The following CTNND2 variants were observed in gnomAD, a reference collection of about 807,000 sequenced individuals.
The protein encoded by CTNND2 is catenin delta 2.
CTNND2 carries 22 observed loss-of-function variants against 144.4 expected under a neutral mutation model. The observed-to-expected ratio is 0.15, with a 90% CI of 0.11 to 0.22. The LOEUF is 0.22. Ranked by LOEUF, CTNND2 falls within the 10% of genes least tolerant of loss-of-function variation. The pLI is 1.00. For missense variants in CTNND2, 1,353 were observed against 1,618.8 expected (o/e 0.84, Z 2.82); for synonymous variants, 751 against 695.6 (o/e 1.08, Z -1.25).
intron 16 of CTNND2, among the ~76,000 whole-genome samples, chr5:11,073,692 G>A (rs930819891): frequency 6.6e-6 from 1 of 152,186 alleles, no homozygotes; most frequent in Non-Finnish European, 1.5e-5. Context: ...CGAAAAGGGA[G>A]GCAGCATTCA....
intron 1 of CTNND2, among the ~76,000 whole-genome samples, chr5:11,831,879 TTAATA>T: frequency 6.6e-6 from 1 of 152,142 alleles, no homozygotes; most frequent in Non-Finnish European, 1.5e-5. Context: ...AATGTAAAAG[TTAATA>T]TGTACGAGTT....
chr5:11,477,801 G>A (rs1011790752), intron 3 of CTNND2, among the ~76,000 whole-genome samples: 1 of 152,134 alleles, frequency 6.6e-6, no homozygotes, highest in Admixed American at 6.6e-5. Flanking sequence ...TCCTTTTCAT[G>A]AGGTGATGGC....
chr5:11,135,096 T>C (rs1315166739), intron 12 of CTNND2, among the ~76,000 whole-genome samples: 1 of 152,220 alleles, frequency 6.6e-6, no homozygotes, highest in African/African-American at 2.4e-5. Context: ...ATTTAAAAAT[T>C]GTGCACTTAA....
At chr5:11,863,264 T>C (rs1047481390) in intron 1 of CTNND2, among the ~76,000 whole-genome samples, 1 of 152,184 alleles carries the variant, frequency 6.6e-6, no homozygotes, top group Non-Finnish European at 1.5e-5. Flanking sequence ...GCCAAACAAT[T>C]GTTGTTTCTT....
chr5:11,483,797 A>T (rs1768521868), intron 3 of CTNND2, among the ~76,000 whole-genome samples: 1 of 152,200 alleles, frequency 6.6e-6, no homozygotes, highest in African/African-American at 2.4e-5. Flanking sequence ...TTTAAAGGAA[A>T]CTGAACTCCC....
chr5:11,113,811 T>C (rs1419296587), intron 13 of CTNND2, among the ~76,000 whole-genome samples: 3 of 152,190 alleles, frequency 2.0e-5, no homozygotes, highest in Admixed American at 6.5e-5. Context: ...GGGCAGGGGC[T>C]GCTGGGATCA....
intron 2 of CTNND2, among the ~76,000 whole-genome samples, chr5:11,687,318 C>T (rs2126640527): frequency 6.6e-6 from 1 of 152,362 alleles, no homozygotes; most frequent in Admixed American, 6.5e-5. Context: ...TGATCATTGG[C>T]CTCCTGCCCA....
At chr5:11,214,100 G>A (rs1275230659) in intron 10 of CTNND2, among the ~76,000 whole-genome samples, 1 of 152,116 alleles carries the variant, frequency 6.6e-6, no homozygotes, top group East Asian at 1.9e-4. Context: ...ATGTTGAGAA[G>A]GCTGTTATTT....
intron 16 of CTNND2, among the ~76,000 whole-genome samples, chr5:11,028,710 CTT>C (rs1349129002): frequency 6.6e-6 from 1 of 152,212 alleles, no homozygotes; most frequent in East Asian, 1.9e-4. Context: ...AATGTACACT[CTT>C]TTTTTCTTTT....
chr5:11,496,283 C>A (rs993605997), intron 3 of CTNND2, among the ~76,000 whole-genome samples: 1 of 152,198 alleles, frequency 6.6e-6, no homozygotes, highest in African/African-American at 2.4e-5. Flanking sequence ...GTTTCAGGTG[C>A]ACCAGGCCAG....
chr5:11,634,909 CA>C (rs1781601585), intron 2 of CTNND2, among the ~76,000 whole-genome samples: 1 of 151,662 alleles, frequency 6.6e-6, no homozygotes. Context: ...TTATTTTTGG[CA>C]ACCTGGAGAT....
intron 2 of CTNND2, among the ~76,000 whole-genome samples, chr5:11,568,501 T>C (rs763183007): frequency 2.6e-5 from 4 of 152,172 alleles, no homozygotes; most frequent in Non-Finnish European, 4.4e-5. Flanking sequence ...GGTATTCTCT[T>C]TGGAGTTGAT....
At chr5:11,206,597 T>G (rs1738075433) in intron 10 of CTNND2, among the ~76,000 whole-genome samples, 1 of 152,236 alleles carries the variant, frequency 6.6e-6, no homozygotes, top group Non-Finnish European at 1.5e-5. Context: ...CATTGACAAT[T>G]ACAAAGAATG....
At chr5:11,124,016 G>A (rs1008511440) in intron 12 of CTNND2, among the ~76,000 whole-genome samples, 14 of 152,264 alleles carry the variant, frequency 9.2e-5, no homozygotes, top group Middle Eastern at 3.4e-3. Flanking sequence ...ACTTGTGAGG[G>A]GGGATCTCAC....
At chr5:11,608,163 C>G (rs12523474) in intron 2 of CTNND2, among the ~76,000 whole-genome samples, 1,762 of 152,220 alleles carry the variant, frequency 0.012, 68 homozygotes, top group Admixed American at 0.068. Context: ...CTGTTAGATT[C>G]TGAAACACTA....
chr5:11,596,444 A>G (rs1779506343), intron 2 of CTNND2, among the ~76,000 whole-genome samples: 1 of 152,208 alleles, frequency 6.6e-6, no homozygotes, highest in South Asian at 2.1e-4. Flanking sequence ...AATAAGAAAA[A>G]GGCACATGAC....
intron 9 of CTNND2, among the ~76,000 whole-genome samples, chr5:11,264,285 C>A (rs557237083): frequency 6.6e-6 from 1 of 152,262 alleles, no homozygotes; most frequent in Non-Finnish European, 1.5e-5. Flanking sequence ...GAAACAGGGT[C>A]TTTGCAGATG....
At chr5:11,190,305 G>A (rs1019042770) in intron 11 of CTNND2, among the ~76,000 whole-genome samples, 6 of 152,308 alleles carry the variant, frequency 3.9e-5, no homozygotes, top group East Asian at 1.9e-4. Flanking sequence ...ACTAGTAAGC[G>A]TGCAGGGCTT....
At position 11,364,829 on chromosome 5, in the gene CTNND2, C is replaced by A; in HGVS notation, c.1239G>T (p.Leu413=). The change falls in exon 8 of 22, where the codon CTG becomes CTT. Residue 413 remains leucine (L), a synonymous_variant. Transcript: ENST00000304623. Reference sequence around the variant, plus strand: ...GATCTATGTGGTGTTCTGGGGACTGCAGGGCCCGCAACTCTGGGCCCAGGT... The same window carrying A: ...GATCTATGTGGTGTTCTGGGGACTGAAGGGCCCGCAACTCTGGGCCCAGGT... ...HGHLGPELRA[L]QSPEHHIDPI... The A allele has an allele frequency of 6.2e-7, 1 of 1,613,852 alleles. No individual in the cohort carries two copies. Among genetic ancestry groups the A allele is most frequent in the Non-Finnish European group, 8.5e-7 (1 of 1,179,890 alleles).
Sources: allele counts gnomAD v4.1 joint callset (sites outside exome capture counted in the v4.1 genomes callset), GRCh38; gene constraint gnomAD v4.1.1; transcripts MANE v1.5; gene names NCBI Gene and HGNC (gene_info 2026-07-23, HGNC 2026-07-21).